Variants in ROBO2 observed in about 807,000 individuals in gnomAD.
ROBO2 encodes the protein roundabout guidance receptor 2.
A neutral mutation model predicts 160.8 loss-of-function variants in ROBO2; 53 were observed. The observed-to-expected ratio is 0.33, with a 90% confidence interval of 0.26 to 0.41. The LOEUF is 0.41. Among genes scored for constraint, ROBO2 ranks in the 10% least tolerant of loss-of-function variants. The pLI is 1.00. For synonymous variants in ROBO2, 664 were observed against 611.7 expected (o/e 1.09, Z -1.26); for missense variants, 1,577 against 1,722.4 (o/e 0.92, Z 1.49).
chr3:77,604,807 T>C (rs1434094902), intron 20 of ROBO2, among the ~76,000 whole-genome samples: 1 of 152,148 alleles, frequency 6.6e-6, no homozygotes, highest in South Asian at 2.1e-4. Context: ...TTTCTTAATT[T>C]GTGGATAGCA....
At chr3:75,917,969 C>T (rs1381868164) in intron 1 of ROBO2, among the ~76,000 whole-genome samples, 4 of 151,944 alleles carry the variant, frequency 2.6e-5, no homozygotes, top group South Asian at 2.1e-4. Flanking sequence ...AAAATTTTCT[C>T]ATATTTTGTA....
At chr3:76,782,999 T>C (rs907830060) in intron 2 of ROBO2, among the ~76,000 whole-genome samples, 1 of 150,838 alleles carries the variant, frequency 6.6e-6, no homozygotes, top group Non-Finnish European at 1.5e-5. Context: ...ATAAAATTTT[T>C]ACTTGTGTGC....
chr3:76,007,029 TAGC>T (rs1433062444), intron 2 of ROBO2, among the ~76,000 whole-genome samples: 1 of 152,142 alleles, frequency 6.6e-6, no homozygotes, highest in African/African-American at 2.4e-5. Flanking sequence ...AGGGACTACG[TAGC>T]AGCTACATGT....
chr3:76,398,135 C>G (rs1458265235), intron 2 of ROBO2, among the ~76,000 whole-genome samples: 6 of 152,030 alleles, frequency 3.9e-5, no homozygotes, highest in Admixed American at 3.9e-4. Context: ...GCATGGAATA[C>G]TATGCAGCCA....
At chr3:76,098,186 A>G (rs753929142) in intron 2 of ROBO2, among the ~76,000 whole-genome samples, 5 of 152,186 alleles carry the variant, frequency 3.3e-5, no homozygotes, top group Admixed American at 6.5e-5. Flanking sequence ...AAAATCTTCA[A>G]TTTTAAAGCA....
intron 5 of ROBO2, among the ~76,000 whole-genome samples, chr3:77,510,997 A>C (rs562405573): frequency 6.6e-6 from 1 of 152,040 alleles, no homozygotes; most frequent in African/African-American, 2.4e-5. Flanking sequence ...TTCACAAATC[A>C]GGAAACAGGT....
chr3:76,852,098 G>A (rs1164705739), intron 2 of ROBO2, among the ~76,000 whole-genome samples: 1 of 152,110 alleles, frequency 6.6e-6, no homozygotes, highest in African/African-American at 2.4e-5. Context: ...CAGTAAAACC[G>A]TTATTGATAA....
intron 2 of ROBO2, among the ~76,000 whole-genome samples, chr3:76,353,143 A>G (rs989442417): frequency 6.6e-6 from 1 of 151,996 alleles, no homozygotes; most frequent in African/African-American, 2.4e-5. Flanking sequence ...CAATGGAAAG[A>G]TGAAATACTG....
At chr3:77,075,948 G>C (rs1295512569) in intron 1 of ROBO2, among the ~76,000 whole-genome samples, 2 of 151,698 alleles carry the variant, frequency 1.3e-5, no homozygotes, top group African/African-American at 2.4e-5. Context: ...AAAGTGCTGG[G>C]ATTACAGGCG....
chr3:76,335,116 C>T (rs981649419), intron 2 of ROBO2, among the ~76,000 whole-genome samples: 1 of 151,128 alleles, frequency 6.6e-6, no homozygotes, highest in Admixed American at 6.6e-5. Context: ...GTACTCTCAA[C>T]TCTACCTCCA....
chr3:76,760,194 C>T (rs1183314544), intron 2 of ROBO2, among the ~76,000 whole-genome samples: 1 of 151,728 alleles, frequency 6.6e-6, no homozygotes, highest in African/African-American at 2.4e-5. Context: ...AACAATAAAA[C>T]ATTATTGAAA....
intron 2 of ROBO2, among the ~76,000 whole-genome samples, chr3:76,337,774 G>A (rs1195411168): frequency 6.6e-6 from 1 of 152,162 alleles, no homozygotes; most frequent in Non-Finnish European, 1.5e-5. Context: ...CAGCAAGAAT[G>A]AAATTGGGAT....
intron 2 of ROBO2, among the ~76,000 whole-genome samples, chr3:77,168,677 G>A (rs1163321458): frequency 6.6e-6 from 1 of 152,150 alleles, no homozygotes; most frequent in Non-Finnish European, 1.5e-5. Flanking sequence ...TAGTAAGTAC[G>A]TGACCTATTA....
intron 2 of ROBO2, among the ~76,000 whole-genome samples, chr3:77,149,962 GAA>G (rs2077418051): frequency 6.6e-6 from 1 of 152,148 alleles, no homozygotes; most frequent in African/African-American, 2.4e-5. Context: ...GATGAAAAAA[GAA>G]AGAGCAAAAG....
chr3:76,878,195 A>AT (rs1300776182), intron 2 of ROBO2, among the ~76,000 whole-genome samples: 2 of 152,080 alleles, frequency 1.3e-5, no homozygotes, highest in African/African-American at 2.4e-5. Context: ...CTTCAAAAAA[A>AT]ACCTTATAAA....
intron 1 of ROBO2, among the ~76,000 whole-genome samples, chr3:77,073,659 T>C (rs2067645184): frequency 6.6e-6 from 1 of 152,340 alleles, no homozygotes; most frequent in South Asian, 2.1e-4. Context: ...TGAGTCCTCC[T>C]TGAGCATACA....
chr3:76,860,904 C>CGTGT (rs1170076378), intron 2 of ROBO2, among the ~76,000 whole-genome samples: 1 of 151,806 alleles, frequency 6.6e-6, no homozygotes, highest in Admixed American at 6.6e-5. Context: ...AGTGTGTGTG[C>CGTGT]GTGTGTGTGT....
intron 2 of ROBO2, among the ~76,000 whole-genome samples, chr3:76,137,545 T>G (rs1011169823): frequency 3.9e-5 from 6 of 151,938 alleles, no homozygotes; most frequent in Non-Finnish European, 8.8e-5. Context: ...CATTGAAAAT[T>G]AGATTTGCTT....
intron 2 of ROBO2, among the ~76,000 whole-genome samples, chr3:77,010,838 C>A (rs2061842092): frequency 1.6e-5 from 1 of 64,442 alleles, no homozygotes; most frequent in Admixed American, 2.0e-4. Flanking sequence ...TCCTTCCTCC[C>A]TCCCTCCCTC....
Sources: gnomAD v4.1 joint callset for allele counts (sites outside exome capture counted in the v4.1 genomes callset) on GRCh38, gnomAD v4.1.1 for gene constraint, MANE v1.5 for transcripts, NCBI Gene and HGNC (gene_info 2026-07-23, HGNC 2026-07-21) for gene names.